Variants in JMJD1C observed in about 807,000 individuals in gnomAD.
JMJD1C encodes jumonji domain containing 1C, also known as jumonji domain-containing protein 1C.
JMJD1C carries 31 observed loss-of-function variants against 245.3 expected under a neutral mutation model. The observed-to-expected ratio is 0.13, with a 90% confidence interval of 0.09 to 0.17. The LOEUF (loss-of-function observed/expected upper bound fraction) is 0.17. Ranked by LOEUF, JMJD1C falls within the 10% of genes least tolerant of loss-of-function variation. JMJD1C has a pLI of 1.00. For synonymous variants in JMJD1C, 1,057 were observed against 1,017.4 expected, an observed-to-expected ratio of 1.04 and a Z score of -0.74; for missense variants, 2,691 against 3,000.2, an observed-to-expected ratio of 0.90 and a Z score of 2.41.
Position 63,200,477 on chromosome 10 carries a change from G to A in JMJD1C, c.5275C>T (p.Arg1759Trp), listed in dbSNP as rs758559785. The A allele has an allele frequency of 1.7e-5, 27 of 1,606,832 alleles. No individual in the cohort carries two copies. The highest frequency in any genetic ancestry group is 6.7e-5 in the African/African-American group (5 of 74,698). ...PVFCRFYYFR[R>W]LSFSKNGVVR... ...TCCCAATCTCATATTTTCACTTACC[G>A]TCTAAAGTAGTAAAATCTACAAAAT... is the stretch of plus-strand genomic sequence containing the variant. Residue 1759 changes from arginine to tryptophan, a missense_variant and splice_region_variant, in exon 11 of 26, where the codon CGG becomes TGG. By Grantham distance (101) the Arg-to-Trp change is moderately radical. Around this residue, in one of 9 missense-constraint regions of JMJD1C, gnomAD observed 139 missense variants for 270.5 expected, o/e 0.51. Transcript: ENST00000399262.
intron 1 of JMJD1C, among the ~76,000 whole-genome samples, chr10:63,401,279 T>C (rs922554228): frequency 6.6e-6 from 1 of 152,232 alleles, no homozygotes; most frequent in African/African-American, 2.4e-5. Flanking sequence ...CACTGGCATA[T>C]TCTAATTTGC....
chr10:63,306,983 T>C (rs184741149), intron 2 of JMJD1C, among the ~76,000 whole-genome samples: 46 of 152,316 alleles, frequency 3.0e-4, no homozygotes, highest in Admixed American at 2.7e-3. Flanking sequence ...AAAGGGATAT[T>C]GCTATGCTTG....
At chr10:63,177,316 G>A (rs972099216) in intron 23 of JMJD1C, 1 of 229,742 alleles carries the variant, frequency 4.4e-6, no homozygotes, top group Non-Finnish European at 8.5e-6. Context: ...CATTCCCTAG[G>A]TCAGCAGCCA....
chr10:63,380,103 C>T (rs2134498209), intron 2 of JMJD1C: 1 of 490,214 alleles, frequency 2.0e-6, no homozygotes, highest in Non-Finnish European at 3.6e-6. Flanking sequence ...CCACATCCAG[C>T]TATTTTTTTT....
chr10:63,206,556 G>T, intron 10 of JMJD1C, 39 bp downstream of exon 10: 1 of 1,482,158 alleles, frequency 6.7e-7, no homozygotes, highest in Non-Finnish European at 9.1e-7. Flanking sequence ...AAAACATTCA[G>T]CCCATTTTAC....
At chr10:63,428,237 C>T (rs572012744) in intron 1 of JMJD1C, among the ~76,000 whole-genome samples, 54 of 152,262 alleles carry the variant, frequency 3.5e-4, no homozygotes, top group African/African-American at 1.2e-3. Context: ...AAATAAAATT[C>T]TCCTTTGCAA....
intron 2 of JMJD1C, among the ~76,000 whole-genome samples, chr10:63,314,403 T>C (rs1369476018): frequency 6.6e-6 from 1 of 152,110 alleles, no homozygotes; most frequent in Non-Finnish European, 1.5e-5. Flanking sequence ...CCACTAAAAA[T>C]GCAAAAGTTA....
At chr10:63,193,669 T>C (rs1270570824) in intron 14 of JMJD1C, 197 bp from the exon 15 acceptor site, 2 of 406,676 alleles carry the variant, frequency 4.9e-6, no homozygotes, top group Admixed American at 8.5e-5. Flanking sequence ...TTTTTTTTGT[T>C]TTTTTGTTTT....
intron 1 of JMJD1C, among the ~76,000 whole-genome samples, chr10:63,386,025 T>C (rs1294249266): frequency 1.3e-5 from 2 of 152,074 alleles, no homozygotes; most frequent in South Asian, 2.1e-4. Context: ...AGATTCACTA[T>C]TGTAAAGAAT....
At chr10:63,326,381 A>AAAAT (rs10630310) in intron 2 of JMJD1C, among the ~76,000 whole-genome samples, 13,674 of 143,180 alleles carry the variant, frequency 0.096, 825 homozygotes, top group East Asian at 0.17. Context: ...TTCCATCTCA[A>AAAAT]AAATAAATAA....
chr10:63,215,217 T>C (rs1484917213), intron 7 of JMJD1C, 46 bp downstream of exon 7: 1 of 1,539,232 alleles, frequency 6.5e-7, no homozygotes, highest in Non-Finnish European at 8.8e-7. Flanking sequence ...AAATGTATTT[T>C]TGTTTTATTT....
At chr10:63,298,475 T>C (rs1394395551) in intron 2 of JMJD1C, among the ~76,000 whole-genome samples, 4 of 152,186 alleles carry the variant, frequency 2.6e-5, no homozygotes, top group Non-Finnish European at 5.9e-5. Flanking sequence ...CTGCCAATGT[T>C]GACACATGGT....
At chr10:63,436,117 C>A (rs542030321) in intron 1 of JMJD1C, among the ~76,000 whole-genome samples, 6 of 152,158 alleles carry the variant, frequency 3.9e-5, no homozygotes, top group African/African-American at 1.4e-4. Context: ...AATATGTAAT[C>A]ACAGGCCTTG....
intron 10 of JMJD1C, chr10:63,204,322 C>G: frequency 1.0e-6 from 1 of 985,304 alleles, no homozygotes; most frequent in Non-Finnish European, 1.2e-6. Flanking sequence ...ACATTACAAC[C>G]TGGGGGAAAA....
intron 1 of JMJD1C, among the ~76,000 whole-genome samples, chr10:63,422,820 A>C (rs1246021142): frequency 6.6e-6 from 1 of 152,230 alleles, no homozygotes; most frequent in Non-Finnish European, 1.5e-5. Context: ...TTTAGTGAAA[A>C]GGTATTCACA....
Position 63,291,426 on chromosome 10 carries a change from C to T in JMJD1C, c.334-26662G>A, listed in dbSNP as rs538622763. ...GGTCACGAGATCAAGACCATCCTGGCCAACATGTAAAACCCCGTCTCTACT... is the reference window on the plus strand; with the variant it reads ...GGTCACGAGATCAAGACCATCCTGGTCAACATGTAAAACCCCGTCTCTACT... On this transcript the variant is annotated intron_variant, in intron 2 of 25. Transcript: ENST00000399262. Among the ~76,000 whole-genome samples the T allele has an allele frequency of 4.6e-5, 7 of 150,728 alleles. No homozygotes were observed. In the East Asian group the frequency reaches 1.4e-3, roughly 29 times the overall value.
intron 1 of JMJD1C, among the ~76,000 whole-genome samples, chr10:63,447,715 T>G (rs1296844570): frequency 6.6e-6 from 1 of 151,972 alleles, no homozygotes; most frequent in Non-Finnish European, 1.5e-5. Context: ...ATAAGTGCAT[T>G]GTCCATCTAG....
chr10:63,449,364 G>C (rs1461846207), intron 1 of JMJD1C, among the ~76,000 whole-genome samples: 3 of 152,012 alleles, frequency 2.0e-5, no homozygotes, highest in Non-Finnish European at 4.4e-5. Context: ...ATCTTGAACA[G>C]TTTATTAAAA....
At chr10:63,430,876 T>C (rs1950704872) in intron 1 of JMJD1C, among the ~76,000 whole-genome samples, 2 of 152,324 alleles carry the variant, frequency 1.3e-5, no homozygotes, top group East Asian at 3.9e-4. Flanking sequence ...CCCGAGTAGC[T>C]GGGACTACAA....
Sources: allele counts gnomAD v4.1 joint callset (sites outside exome capture counted in the v4.1 genomes callset), GRCh38; gene constraint gnomAD v4.1.1; regional missense constraint gnomAD v4.1.1; transcripts MANE v1.5; gene names NCBI Gene and HGNC (gene_info 2026-07-23, HGNC 2026-07-21).